OR2F1: variants seen among roughly 807,000 people sequenced by gnomAD.
OR2F1 encodes olfactory receptor 2F1.
For synonymous variants in OR2F1, 146 were observed against 155.3 expected, an observed-to-expected ratio of 0.94 and a Z score of 0.44; for missense variants, 389 against 378.2, an observed-to-expected ratio of 1.03 and a Z score of -0.24.
chr7:143,960,033 G>A lies in OR2F1; in HGVS notation c.63G>A (p.Trp21Ter). 2 of 1,614,000 alleles carry A rather than the reference G, an allele frequency of 1.2e-6. No individual in the cohort carries two copies. Among genetic ancestry groups the A allele is most frequent in the South Asian group, 1.1e-5 (1 of 91,070 alleles). Residue 21 changes from tryptophan to a stop codon, truncating the protein, a stop_gained, in exon 3 of 3, where the codon TGG (tryptophan) becomes TGA (stop). Transcript: ENST00000641412. LOFTEE classifies it low-confidence loss of function (END_TRUNC). ...EFILLGLSSD[W>*]DTRVSLFVLF... is the part of the protein sequence containing the mutation. ...TTCTCCTCGGCCTGTCCAGTGACTGGGACACTCGGGTCTCCCTGTTTGTCC... is the reference window on the plus strand; with the variant it reads ...TTCTCCTCGGCCTGTCCAGTGACTGAGACACTCGGGTCTCCCTGTTTGTCC...
intron 1 of OR2F1, among the ~76,000 whole-genome samples, chr7:143,956,402 C>A (rs368718108): frequency 6.6e-6 from 1 of 151,914 alleles, no homozygotes; most frequent in Admixed American, 6.6e-5. Context: ...CATAAACATT[C>A]GAAACAAGAT....
intron 1 of OR2F1, among the ~76,000 whole-genome samples, chr7:143,955,706 A>G (rs2050280172): frequency 6.6e-6 from 1 of 152,168 alleles, no homozygotes; most frequent in African/African-American, 2.4e-5. Context: ...GCCATTTTTC[A>G]GTACTGTGTT....
rs1344995571 is a variant in OR2F1 at position 143,960,722 on chromosome 7, G to A, written c.752G>A (p.Cys251Tyr). Residue 251 changes from cysteine (C) to tyrosine (Y), a missense_variant, in exon 3 of 3, where the codon TGC becomes TAC. Transcript: ENST00000641412. ...CASHLTVVALCYGVAIFTYIQ... is the reference protein window; with the variant it reads ...CASHLTVVALYYGVAIFTYIQ... ...TCTCACCTCACAGTGGTTGCCCTGT[G>A]CTATGGTGTGGCCATTTTCACTTAC... 6.2e-7 allele frequency: 1 copy of A among 1,613,694 alleles called. No individual in the cohort carries two copies. The highest frequency in any genetic ancestry group is 2.2e-5 in the East Asian group (1 of 44,836).
chr7:143,960,977 C>T lies in OR2F1; in HGVS notation c.*53C>T, dbSNP rs2050325733. On this transcript the variant is annotated 3_prime_UTR_variant, in exon 3 of 3. Coordinates refer to ENST00000641412, the MANE Select transcript of OR2F1 (RefSeq NM_012369.3). The stretch of plus-strand genomic sequence containing the variant: ...CTTTGCCTCAGTGTTCTCCACCCAG[C>T]TGAGATCTGACAGGTGTAAACTACA... 7.2e-7 allele frequency: 1 copy of T among 1,391,992 alleles called. No homozygotes were observed. The highest frequency in any genetic ancestry group is 9.9e-7 in the Non-Finnish European group (1 of 1,006,094). The allele number at this position is 1,391,992 out of a possible 1,614,324, so 86.2% of individuals were successfully genotyped here.
chr7:143,961,299 G>T lies in OR2F1; in HGVS notation c.*375G>T. ...CTTACACATCCACATTTTATAAAAGGTTATGGGGCTTCCATTGAAAACAAA... is the reference window on the plus strand; with the variant it reads ...CTTACACATCCACATTTTATAAAAGTTTATGGGGCTTCCATTGAAAACAAA... On this transcript the variant is annotated 3_prime_UTR_variant, in exon 3 of 3. Transcript: ENST00000641412. 5.5e-6 allele frequency: 1 copy of T among 181,186 alleles called. No individual in the cohort carries two copies. Among genetic ancestry groups the T allele is most frequent in the Non-Finnish European group, 1.2e-5 (1 of 85,300 alleles). The allele number at this position is 181,186 out of a possible 1,614,324, so 11.2% of individuals were successfully genotyped here.
At chr7:143,958,005 T>C (rs2116935250) in intron 1 of OR2F1, among the ~76,000 whole-genome samples, 1 of 152,242 alleles carries the variant, frequency 6.6e-6, no homozygotes, top group East Asian at 1.9e-4. Context: ...ACATGTTGGG[T>C]GGCTGAGAGG....
At position 143,960,780 on chromosome 7, in the gene OR2F1, G is replaced by A; in HGVS notation, c.810G>A (p.Gln270=). 6.2e-7 allele frequency: 1 copy of A among 1,614,118 alleles called. No homozygotes were observed. The highest frequency in any genetic ancestry group is 8.5e-7 in the Non-Finnish European group (1 of 1,180,030). Residue 270 remains glutamine (Q), a synonymous_variant, in exon 3 of 3, where the codon CAG becomes CAA. Coordinates refer to ENST00000641412, the MANE Select transcript of OR2F1 (RefSeq NM_012369.3). The part of the protein sequence containing the change: ...IQPHSSPSVL[Q]EKLFSVFYAI... ...CCCACTCCAGTCCCTCTGTCCTTCAGGAGAAGTTGTTCTCTGTCTTTTATG... is the reference window on the plus strand; with the variant it reads ...CCCACTCCAGTCCCTCTGTCCTTCAAGAGAAGTTGTTCTCTGTCTTTTATG...
chr7:143,959,575 T>C (rs1202498581), intron 2 of OR2F1, among the ~76,000 whole-genome samples: 2 of 152,236 alleles, frequency 1.3e-5, no homozygotes, highest in East Asian at 3.8e-4. Flanking sequence ...TTGACATGTT[T>C]AAGGTAATTT....
intron 1 of OR2F1, among the ~76,000 whole-genome samples, chr7:143,956,213 A>C (rs536833543): frequency 6.6e-6 from 1 of 152,162 alleles, no homozygotes; most frequent in East Asian, 1.9e-4. Flanking sequence ...CACCTAGTCC[A>C]TTCACCTTGA....
At position 143,964,308 on chromosome 7, in the gene OR2F1, C is replaced by T. The variant is rs1044625720; in HGVS notation, c.*3384C>T. 1 of 152,012 alleles carries T rather than the reference C, an allele frequency of 6.6e-6. No homozygotes were observed. Among genetic ancestry groups the T allele is most frequent in the Non-Finnish European group, 1.5e-5 (1 of 67,972 alleles). 9.4% of individuals were successfully genotyped at this position (152,012 alleles called of 1,614,324 possible). A position where few individuals can be genotyped will look rare whatever the true frequency, so the allele number is the denominator to read the frequency against. ...AAGTATTTGAAAATAAAATATTTTT[C>T]ATTAGTTAATAACCATAAAAACACC... On this transcript the variant is annotated 3_prime_UTR_variant, in exon 3 of 3. Transcript: ENST00000641412.
Position 143,960,390 on chromosome 7 carries a change from G to C in OR2F1, c.420G>C (p.Leu140=), listed in dbSNP as rs753665031. The C allele has an allele frequency of 6.2e-7, 1 of 1,614,182 alleles. No individual in the cohort carries two copies. The highest frequency in any genetic ancestry group is 1.7e-5 in the Admixed American group (1 of 60,016). Residue 140 remains leucine (L), a synonymous_variant, in exon 3 of 3, where the codon CTG becomes CTC. Transcript: ENST00000641412. ...LRYSAIMHGG[L]CARLAITSWV... ...ACTCGGCCATCATGCATGGAGGGCT[G>C]TGTGCTAGGTTGGCCATCACATCCT...
rs2050353718 is a variant in OR2F1, at chr7:143,964,346, C to T, written c.*3422C>T. The T allele has an allele frequency of 6.6e-6, 1 of 151,960 alleles. No individual in the cohort carries two copies. Among genetic ancestry groups the T allele is most frequent in the Admixed American group, 6.6e-5 (1 of 15,246 alleles). 9.4% of individuals were successfully genotyped at this position (151,960 alleles called of 1,614,324 possible). A position where few individuals can be genotyped will look rare whatever the true frequency, so the allele number is the denominator to read the frequency against. ...CCATAAAAACACCACTGAAGGTTTT[C>T]CTTAAAAATCTAATACATATAAAAA... On this transcript the variant is annotated 3_prime_UTR_variant, in exon 3 of 3. Coordinates refer to ENST00000641412, the MANE Select transcript of OR2F1 (RefSeq NM_012369.3).
chr7:143,958,339 T>C (rs1356412441), intron 1 of OR2F1, among the ~76,000 whole-genome samples: 1 of 152,138 alleles, frequency 6.6e-6, no homozygotes, highest in Non-Finnish European at 1.5e-5. Flanking sequence ...TCAGCCTCAT[T>C]ATGATTTTAG....
rs2050327331 is a variant in OR2F1, at chr7:143,961,108, T to C, written c.*184T>C. On this transcript the variant is annotated 3_prime_UTR_variant, in exon 3 of 3. Transcript: ENST00000641412. ...GGTGTGGGACGTGGGGTTATATTTA[T>C]GAACAGTGGAGTTAGATACTGCTGT... The C allele has an allele frequency of 1.7e-6, 1 of 580,974 alleles. No homozygotes were observed. Among genetic ancestry groups the C allele is most frequent in the Non-Finnish European group, 3.1e-6 (1 of 321,196 alleles). The allele number at this position is 580,974 out of a possible 1,614,324, so 36.0% of individuals were successfully genotyped here. A position where few individuals can be genotyped will look rare whatever the true frequency, so the allele number is the denominator to read the frequency against.
intron 2 of OR2F1, among the ~76,000 whole-genome samples, 188 bp downstream of exon 2, chr7:143,959,296 A>T (rs902703500): frequency 6.6e-6 from 1 of 152,220 alleles, no homozygotes; most frequent in Non-Finnish European, 1.5e-5. Flanking sequence ...GATAGTAATT[A>T]TTATAGCTAG....
At position 143,960,444 on chromosome 7, in the gene OR2F1, G is replaced by A; in HGVS notation, c.474G>A (p.Val158=). Residue 158 remains valine, a synonymous_variant, in exon 3 of 3, where the codon GTG becomes GTA. Coordinates refer to ENST00000641412, the MANE Select transcript of OR2F1 (RefSeq NM_012369.3). ...TCAGTGGCTTCATCAGCTCTCCTGT[G>A]CAGACTGCTATCACCTTTCAGCTGC... is the stretch of plus-strand genomic sequence containing the variant. The part of the protein sequence containing the change: ...SWVSGFISSP[V]QTAITFQLPM... The A allele has an allele frequency of 1.9e-6, 3 of 1,614,160 alleles. No homozygotes were observed. Among genetic ancestry groups the A allele is most frequent in the South Asian group, 1.1e-5 (1 of 91,076 alleles).
In OR2F1 at chr7:143,960,456, C is replaced by T; in HGVS notation, c.486C>T (p.Ile162=). ...GFISSPVQTA[I]TFQLPMCRNK... is the part of the protein sequence containing the mutation. ...TCAGCTCTCCTGTGCAGACTGCTAT[C>T]ACCTTTCAGCTGCCCATGTGCAGAA... Residue 162 remains isoleucine, a synonymous_variant, in exon 3 of 3, where the codon ATC becomes ATT. Transcript: ENST00000641412. 1 of 1,614,188 alleles carries T rather than the reference C, an allele frequency of 6.2e-7. No homozygotes were observed. Among genetic ancestry groups the T allele is most frequent in the Non-Finnish European group, 8.5e-7 (1 of 1,180,040 alleles).
chr7:143,959,577 A>C lies in OR2F1; in HGVS notation c.-23-371A>C, dbSNP rs1232323118. ...AAGATGAGTCTAGTTGACATGTTTA[A>C]GGTAATTTGTTAACTTTCCAACCAT... On this transcript the variant is annotated intron_variant, in intron 2 of 2. Transcript: ENST00000641412. Among the ~76,000 whole-genome samples, 3 of 152,180 alleles carry C rather than the reference A, an allele frequency of 2.0e-5. No homozygotes were observed. In the East Asian group the frequency reaches 5.8e-4, roughly 29 times the overall value.
intron 1 of OR2F1, among the ~76,000 whole-genome samples, chr7:143,957,221 C>G (rs1342656812): frequency 6.6e-6 from 1 of 152,088 alleles, no homozygotes; most frequent in East Asian, 1.9e-4. Context: ...TTAGCAAATG[C>G]TCATACAGCA....
Sources: gnomAD v4.1 joint callset for allele counts (sites outside exome capture counted in the v4.1 genomes callset) on GRCh38, gnomAD v4.1.1 for gene constraint, MANE v1.5 for transcripts, NCBI Gene and HGNC (gene_info 2026-07-23, HGNC 2026-07-21) for gene names.